MCUB: variants seen among roughly 807,000 people sequenced by gnomAD.
The protein encoded by MCUB is mitochondrial calcium uniporter dominant negative subunit beta.
Under a neutral mutation model 41.4 loss-of-function variants are expected in MCUB, and 46 were observed. That is an observed-to-expected ratio of 1.11 (90% CI 0.88 to 1.42). The LOEUF is 1.42. MCUB is among the 40% of genes most tolerant of loss of function. The pLI, the probability that MCUB is intolerant of heterozygous loss-of-function variation, is 0.00. For missense variants in MCUB, 403 were observed against 404.9 expected, an observed-to-expected ratio of 1.00 and a Z score of 0.04; for synonymous variants, 148 against 148.2, an observed-to-expected ratio of 1.00 and a Z score of 0.01.
chr4:109,672,268 T>G (rs958113727), intron 4 of MCUB, among the ~76,000 whole-genome samples: 1 of 152,218 alleles, frequency 6.6e-6, no homozygotes, highest in African/African-American at 2.4e-5. Flanking sequence ...TGCTCAGGGC[T>G]ATTTCAGAAT....
chr4:109,636,440 A>T (rs949228654), intron 1 of MCUB, among the ~76,000 whole-genome samples: 2 of 152,206 alleles, frequency 1.3e-5, no homozygotes, highest in Non-Finnish European at 2.9e-5. Flanking sequence ...GAACTCTGGA[A>T]AACACCAACA....
intron 1 of MCUB, among the ~76,000 whole-genome samples, chr4:109,593,530 G>T (rs1405403391): frequency 2.6e-5 from 4 of 152,150 alleles, no homozygotes; most frequent in African/African-American, 9.7e-5. Flanking sequence ...ATTCCTTTCT[G>T]TATCTGCATG....
intron 4 of MCUB, among the ~76,000 whole-genome samples, chr4:109,671,764 T>A (rs1164176810): frequency 6.6e-6 from 1 of 152,230 alleles, no homozygotes; most frequent in Non-Finnish European, 1.5e-5. Context: ...GTTGTTGTTT[T>A]TTTCTTTGCC....
At chr4:109,608,670 AT>A (rs1391002398) in intron 1 of MCUB, among the ~76,000 whole-genome samples, 1 of 150,586 alleles carries the variant, frequency 6.6e-6, no homozygotes, top group Non-Finnish European at 1.5e-5. Flanking sequence ...TATTATTATT[AT>A]TGTTTTTTTT....
chr4:109,626,500 G>A (rs1728361748), intron 1 of MCUB, among the ~76,000 whole-genome samples: 1 of 151,768 alleles, frequency 6.6e-6, no homozygotes, highest in Non-Finnish European at 1.5e-5. Context: ...TGAGAATCAG[G>A]ATTTTTTTTT....
chr4:109,598,607 G>A (rs197221), intron 1 of MCUB, among the ~76,000 whole-genome samples: 1 of 145,588 alleles, frequency 6.9e-6, no homozygotes, highest in Non-Finnish European at 1.6e-5. Flanking sequence ...AGAGGGAGAC[G>A]GTGGGGAGAC....
intron 1 of MCUB, among the ~76,000 whole-genome samples, chr4:109,627,670 T>C (rs1358531800): frequency 5.3e-5 from 8 of 152,302 alleles, no homozygotes; most frequent in Admixed American, 4.6e-4. Flanking sequence ...CCCAGCACTT[T>C]GGGAGACCAA....
intron 4 of MCUB, among the ~76,000 whole-genome samples, chr4:109,667,305 G>A (rs1222865952): frequency 1.3e-5 from 2 of 152,068 alleles, no homozygotes; most frequent in African/African-American, 2.4e-5. Context: ...TTTTGTGTGA[G>A]TTTTGATAGA....
In MCUB at chr4:109,684,513, T is replaced by C. The variant is rs1164954796; in HGVS notation, c.683T>C (p.Leu228Pro). The change falls in exon 6 of 8, where the codon CTG (leucine) becomes CCG (proline). Residue 228 changes from leucine (L) to proline (P), a missense_variant. Coordinates refer to ENST00000394650, the MANE Select transcript of MCUB (RefSeq NM_017918.5). ...SGLLWAGLALLSIQGGALAWL... is the reference protein window; with the variant it reads ...SGLLWAGLALPSIQGGALAWL... The stretch of plus-strand genomic sequence containing the variant: ...CTCCTGTGGGCTGGATTGGCACTGC[T>C]GTCCATTCAGGGTGGGGCACTGGCC... 2.5e-5 allele frequency: 40 copies of C among 1,613,952 alleles called. No individual in the cohort carries two copies. The highest frequency in any genetic ancestry group is 3.4e-5 in the Non-Finnish European group (40 of 1,179,956).
intron 4 of MCUB, among the ~76,000 whole-genome samples, chr4:109,671,807 C>T (rs1221983572): frequency 6.6e-6 from 1 of 152,074 alleles, no homozygotes; most frequent in Non-Finnish European, 1.5e-5. Flanking sequence ...TTGCTGAAAG[C>T]TAGACATGAT....
intron 1 of MCUB, among the ~76,000 whole-genome samples, chr4:109,640,075 C>T (rs771053667): frequency 1.2e-4 from 18 of 152,078 alleles, no homozygotes; most frequent in African/African-American, 2.4e-4. Context: ...TTGGGATAGG[C>T]GGTAGAATTA....
chr4:109,609,723 G>A (rs1470520221), intron 1 of MCUB, among the ~76,000 whole-genome samples: 4 of 152,120 alleles, frequency 2.6e-5, no homozygotes, highest in Admixed American at 2.6e-4. Flanking sequence ...GCTCAGACCT[G>A]AATCCAACAC....
intron 4 of MCUB, among the ~76,000 whole-genome samples, chr4:109,677,645 A>G (rs1263327085): frequency 1.3e-5 from 2 of 152,050 alleles, no homozygotes; most frequent in Non-Finnish European, 2.9e-5. Context: ...GGGTTCCTTA[A>G]TAAAGGACAA....
rs374954907 is a variant in MCUB, at chr4:109,571,822, TTG to T, written c.99+11396_99+11397del. Among the ~76,000 whole-genome samples the T allele has an allele frequency of 1.1e-3, 162 of 152,358 alleles. 7 individuals carry two copies. The South Asian group carries it at 0.033, about 31-fold the overall frequency. ...GCCTAGGCCTGGAGTGTTACATATC[TTG>T]TGTGTGTGTTCCATTGAATATTTTA... On this transcript the variant is annotated intron_variant, in intron 1 of 7. Coordinates refer to ENST00000394650, the MANE Select transcript of MCUB (RefSeq NM_017918.5).
intron 1 of MCUB, among the ~76,000 whole-genome samples, chr4:109,601,923 T>C (rs1443287607): frequency 2.0e-5 from 3 of 152,226 alleles, no homozygotes; most frequent in African/African-American, 7.2e-5. Context: ...ATATAAGCCA[T>C]TTTAACTAGG....
At chr4:109,584,748 T>C (rs1166090029) in intron 1 of MCUB, among the ~76,000 whole-genome samples, 2 of 152,214 alleles carry the variant, frequency 1.3e-5, no homozygotes, top group African/African-American at 2.4e-5. Flanking sequence ...TCAGTTTCCA[T>C]GTAGTTGCGT....
intron 4 of MCUB, chr4:109,681,615 C>G: frequency 3.3e-6 from 1 of 299,050 alleles, no homozygotes; most frequent in Non-Finnish European, 6.8e-6. Flanking sequence ...CGGAAGACAA[C>G]CATGGAACCC....
At chr4:109,656,515 T>C (rs897119124) in intron 1 of MCUB, among the ~76,000 whole-genome samples, 16 of 151,844 alleles carry the variant, frequency 1.1e-4, no homozygotes, top group Non-Finnish European at 1.9e-4. Context: ...TAGCCAGGAC[T>C]ACAGGCATGT....
chr4:109,644,836 A>C (rs1433562902), intron 1 of MCUB, among the ~76,000 whole-genome samples: 1 of 152,214 alleles, frequency 6.6e-6, no homozygotes, highest in African/African-American at 2.4e-5. Context: ...ATGAGATCAT[A>C]ATGTATGAAT....
Sources: gnomAD v4.1 joint callset for allele counts (sites outside exome capture counted in the v4.1 genomes callset) on GRCh38, gnomAD v4.1.1 for gene constraint, MANE v1.5 for transcripts, NCBI Gene and HGNC (gene_info 2026-07-23, HGNC 2026-07-21) for gene names.